The following CHORDC1 variants were observed in gnomAD, a reference collection of about 807,000 sequenced individuals.
CHORDC1 encodes cysteine and histidine rich domain containing 1.
A neutral mutation model predicts 48.3 loss-of-function variants in CHORDC1; 25 were observed. The ratio of observed to expected loss-of-function variants is 0.52; its 90% CI spans 0.38 to 0.72. The LOEUF (loss-of-function observed/expected upper bound fraction) is 0.72, where lower values mean the gene tolerates loss of function less well. CHORDC1 is among the 30% of genes least tolerant of loss of function. The pLI, the probability that CHORDC1 is intolerant of heterozygous loss-of-function variation, is 0.00. For synonymous variants in CHORDC1, 128 were observed against 126.4 expected (o/e 1.01, Z -0.09); for missense variants, 317 against 388.7 (o/e 0.82, Z 1.55).
chr11:90,211,690 C>T (rs1424002137), intron 4 of CHORDC1: 5 of 168,652 alleles, frequency 3.0e-5, no homozygotes, highest in African/African-American at 9.6e-5. Flanking sequence ...ATGCTGAGCA[C>T]ATAATAAACA....
intron 3 of CHORDC1, 29 bp from the exon 4 acceptor site, chr11:90,214,204 C>CTA: frequency 6.7e-7 from 1 of 1,501,396 alleles, no homozygotes. Context: ...TCATTAAGAG[C>CTA]TATCTATTTT....
rs989905054 is a variant in CHORDC1 at position 90,219,024 on chromosome 11, G to T, written c.65-840C>A. Among the ~76,000 whole-genome samples, 6 of 151,446 alleles carry T rather than the reference G, an allele frequency of 4.0e-5. No homozygotes were observed. The East Asian group carries it at 9.7e-4, about 24-fold the overall frequency. Reference sequence around the variant, plus strand: ...CTCATGCCTGTAATCCCAGCACTTTGGGAGGCTGAGGTAGGCAGATCACCT... The same window carrying T: ...CTCATGCCTGTAATCCCAGCACTTTTGGAGGCTGAGGTAGGCAGATCACCT... On this transcript the variant is annotated intron_variant, in intron 1 of 10. Transcript: ENST00000320585.
chr11:90,208,206 T>G (rs951055969), intron 6 of CHORDC1: 8 of 151,834 alleles, frequency 5.3e-5, no homozygotes, highest in African/African-American at 1.9e-4. Context: ...CCGAGGCGGG[T>G]GGATCACCTG....
chr11:90,214,208 C>T (rs750506847), intron 3 of CHORDC1, 33 bp from the exon 4 acceptor site: 3 of 1,468,290 alleles, frequency 2.0e-6, no homozygotes, highest in East Asian at 4.7e-5. Flanking sequence ...TAAGAGCTAT[C>T]TATTTTACAT....
rs1261796534 is a variant in CHORDC1 at position 90,201,393 on chromosome 11, C to G, written c.*1012G>C. 3 of 151,560 alleles carry G rather than the reference C, an allele frequency of 2.0e-5. No individual in the cohort carries two copies. The highest frequency in any genetic ancestry group is 4.4e-5 in the Non-Finnish European group (3 of 67,776). The allele number at this position is 151,560 out of a possible 1,614,324, so 9.4% of individuals were successfully genotyped here. A position where few individuals can be genotyped will look rare whatever the true frequency, so the allele number is the denominator to read the frequency against. On this transcript the variant is annotated 3_prime_UTR_variant, in exon 11 of 11. Coordinates refer to ENST00000320585, the MANE Select transcript of CHORDC1 (RefSeq NM_012124.3). ...TTTAATATAAAGTACAATATATAGTCAACATTGTATCACTAGAATTGTGAA... is the reference window on the plus strand; with the variant it reads ...TTTAATATAAAGTACAATATATAGTGAACATTGTATCACTAGAATTGTGAA...
chr11:90,207,074 C>T (rs1339785372), intron 6 of CHORDC1: 5 of 226,354 alleles, frequency 2.2e-5, no homozygotes, highest in South Asian at 5.7e-5. Context: ...TTGATGGCAC[C>T]GTACAGACTC....
chr11:90,205,897 T>C (rs1857667586), intron 7 of CHORDC1: 2 of 470,452 alleles, frequency 4.3e-6, no homozygotes, highest in Non-Finnish European at 7.6e-6. Flanking sequence ...CCCTGCAATG[T>C]GTAGGACAGT....
At chr11:90,217,460 C>A (rs1255462943) in intron 2 of CHORDC1, among the ~76,000 whole-genome samples, 1 of 152,154 alleles carries the variant, frequency 6.6e-6, no homozygotes, top group African/African-American at 2.4e-5. Context: ...AGAAGTATAG[C>A]TGGAAAACTC....
intron 4 of CHORDC1, 109 bp downstream of exon 4, chr11:90,213,909 G>A (rs1857934185): frequency 2.2e-6 from 2 of 915,812 alleles, no homozygotes; most frequent in Non-Finnish European, 3.3e-6. Context: ...AAAGCTTGGT[G>A]GCCTACATAG....
rs1318859572 is a variant in CHORDC1 at position 90,202,322 on chromosome 11, CA to C, written c.*82del. The C allele has an allele frequency of 6.7e-6, 9 of 1,337,064 alleles. No individual in the cohort carries two copies. Among genetic ancestry groups the C allele is most frequent in the Non-Finnish European group, 8.4e-6 (8 of 957,210 alleles). 82.8% of individuals were successfully genotyped at this position (1,337,064 alleles called of 1,614,324 possible). On this transcript the variant is annotated 3_prime_UTR_variant, in exon 11 of 11. Coordinates refer to ENST00000320585, the MANE Select transcript of CHORDC1 (RefSeq NM_012124.3). ...CACATTCAGTAACACAACAACAAAA[CA>C]AAAGATTACAGCAGCAAGCCACCAC...
intron 6 of CHORDC1, chr11:90,207,849 T>A (rs1857746221): frequency 6.8e-6 from 1 of 147,532 alleles, no homozygotes; most frequent in South Asian, 2.2e-4. Flanking sequence ...ATACTGCTGG[T>A]AGAAACGTAA....
rs765762720 is a variant in CHORDC1 at position 90,206,287 on chromosome 11, AAG to A, written c.493-17_493-16del. On this transcript the variant is annotated splice_polypyrimidine_tract_variant and intron_variant, in intron 6 of 10. Transcript: ENST00000320585. ...CCCTGGTATGTCTAAAAAGGAAACA[AAG>A]AGAAAAAAAATTAGCTGCGTATCTT... 20 of 1,391,056 alleles carry A rather than the reference AAG, an allele frequency of 1.4e-5. No homozygotes were observed. Among genetic ancestry groups the A allele is most frequent in the Non-Finnish European group, 2.0e-5 (20 of 979,876 alleles). The allele number at this position is 1,391,056 out of a possible 1,614,324, so 86.2% of individuals were successfully genotyped here. A position where few individuals can be genotyped will look rare whatever the true frequency, so the allele number is the denominator to read the frequency against.
Position 90,205,467 on chromosome 11 carries a change from T to C in CHORDC1, c.662A>G (p.Lys221Arg). The C allele has an allele frequency of 6.3e-7, 1 of 1,589,786 alleles. No individual in the cohort carries two copies. The highest frequency in any genetic ancestry group is 8.6e-7 in the Non-Finnish European group (1 of 1,163,842). ...CTKGKHMWTKKDAGKKVVPCR... is the reference protein window; with the variant it reads ...CTKGKHMWTKRDAGKKVVPCR... Reference sequence around the variant, plus strand: ...TTTGGAAGAGTTACTTACAGCATCTTTTTTAGTCCACATGTGTTTCCCTTT... The same window carrying C: ...TTTGGAAGAGTTACTTACAGCATCTCTTTTAGTCCACATGTGTTTCCCTTT... Residue 221 changes from lysine (K) to arginine (R), a missense_variant, in exon 8 of 11, where the codon AAA (lysine) becomes AGA (arginine). Coordinates refer to ENST00000320585, the MANE Select transcript of CHORDC1 (RefSeq NM_012124.3).
At chr11:90,222,055 A>T (rs918183955) in intron 1 of CHORDC1, among the ~76,000 whole-genome samples, 1 of 152,242 alleles carries the variant, frequency 6.6e-6, no homozygotes, top group Non-Finnish European at 1.5e-5. Flanking sequence ...GTTCAATCTG[A>T]AAACGTGTTG....
chr11:90,221,700 A>G (rs764114167), intron 1 of CHORDC1, among the ~76,000 whole-genome samples: 71 of 152,238 alleles, frequency 4.7e-4, no homozygotes, highest in Admixed American at 2.6e-4. Context: ...GAGTAGCATC[A>G]TATTTGCATC....
intron 9 of CHORDC1, 100 bp downstream of exon 9, chr11:90,203,208 C>A: frequency 3.5e-6 from 4 of 1,127,834 alleles, no homozygotes; most frequent in Admixed American, 2.3e-5. Flanking sequence ...AAAATCTTAC[C>A]CCCAAATCAG....
chr11:90,222,473 C>T, intron 1 of CHORDC1: 1 of 370,372 alleles, frequency 2.7e-6, no homozygotes, highest in Non-Finnish European at 5.2e-6. Flanking sequence ...CTCCCTCTCG[C>T]GCAGGCAATC....
intron 2 of CHORDC1, among the ~76,000 whole-genome samples, chr11:90,217,149 C>T (rs372065592): frequency 6.6e-6 from 1 of 152,184 alleles, no homozygotes; most frequent in African/African-American, 2.4e-5. Flanking sequence ...ACTAACCAGA[C>T]TAATACATCT....
Position 90,201,982 on chromosome 11 carries a change from T to C in CHORDC1, c.*423A>G, listed in dbSNP as rs911729030. ...CATCTCTTCCTTAAATATTTTCAAG[T>C]ACTGTAAGAACACAAATCCATGAAA... is the stretch of plus-strand genomic sequence containing the variant. On this transcript the variant is annotated 3_prime_UTR_variant, in exon 11 of 11. Coordinates refer to ENST00000320585, the MANE Select transcript of CHORDC1 (RefSeq NM_012124.3). 3.9e-5 allele frequency: 6 copies of C among 153,436 alleles called. No individual in the cohort carries two copies. The highest frequency in any genetic ancestry group is 1.4e-4 in the African/African-American group (6 of 41,488). 9.5% of individuals were successfully genotyped at this position (153,436 alleles called of 1,614,324 possible).
Sources: allele counts gnomAD v4.1 joint callset (sites outside exome capture counted in the v4.1 genomes callset), GRCh38; gene constraint gnomAD v4.1.1; transcripts MANE v1.5; gene names NCBI Gene and HGNC (gene_info 2026-07-23, HGNC 2026-07-21).